Variants in MGAT5 observed in about 807,000 individuals in gnomAD.
MGAT5 encodes the protein alpha-1,6-mannosylglycoprotein 6-beta-N-acetylglucosaminyltransferase A.
MGAT5 carries 30 observed loss-of-function variants against 94.3 expected under a neutral mutation model. The observed-to-expected ratio is 0.32, with a 90% CI of 0.24 to 0.43. The LOEUF is 0.43. Among genes scored for constraint, MGAT5 ranks in the 20% least tolerant of loss-of-function variants. The probability of loss-of-function intolerance (pLI) is 1.00; values close to 1 mark genes in which losing one functional copy is unlikely to be tolerated. For synonymous variants in MGAT5, 310 were observed against 322.9 expected (o/e 0.96, Z 0.43); for missense variants, 691 against 905.5 (o/e 0.76, Z 3.04).
intron 1 of MGAT5, among the ~76,000 whole-genome samples, chr2:134,161,658 G>C (rs915338250): frequency 1.2e-4 from 19 of 152,166 alleles, no homozygotes; most frequent in African/African-American, 4.3e-4. Flanking sequence ...TGTGATCTTG[G>C]CTGGGGGCTT....
intron 1 of MGAT5, among the ~76,000 whole-genome samples, chr2:134,124,372 G>A (rs943484627): frequency 1.3e-5 from 2 of 152,320 alleles, no homozygotes; most frequent in Admixed American, 1.3e-4. Flanking sequence ...GCAGGGCTAT[G>A]TGTGTGCATG....
rs192413280 is a variant in MGAT5, at chr2:134,246,312, G to A, written c.-142-7950G>A. ...AGTTGGTGGCATCACAGCTGTCAGG[G>A]ATTCACAGTTGAGCTTTTGGGCACC... On this transcript the variant is annotated intron_variant, in intron 1 of 16. Transcript: ENST00000409645. 1.8e-3 allele frequency among the ~76,000 whole-genome samples: 280 copies of A among 152,282 alleles called. 2 individuals are homozygous for A. Among genetic ancestry groups the A allele is most frequent in the Middle Eastern group, 6.8e-3 (2 of 294 alleles).
rs562710806 is a variant in MGAT5, at chr2:134,400,049, T to A, written c.1381-2939T>A. 2.6e-5 allele frequency among the ~76,000 whole-genome samples: 4 copies of A among 152,332 alleles called. No individual in the cohort carries two copies. In the South Asian group the frequency reaches 8.3e-4, roughly 32 times the overall value. ...ATGGCAAGAACTGACCCTTCCATCC[T>A]GGAGAAGAGGAGACCAATTTGATAT... On this transcript the variant is annotated intron_variant, in intron 10 of 15. Coordinates refer to ENST00000281923, the MANE Select transcript of MGAT5 (RefSeq NM_002410.5).
rs149686475 is a variant in MGAT5 at position 134,398,668 on chromosome 2, G to A, written c.1381-4320G>A. Among the ~76,000 whole-genome samples the A allele has an allele frequency of 1.8e-3, 281 of 152,242 alleles. 2 individuals are homozygous for A. The highest frequency in any genetic ancestry group is 0.018 in the East Asian group (95 of 5,186). On this transcript the variant is annotated intron_variant, in intron 10 of 15. Coordinates refer to ENST00000281923, the MANE Select transcript of MGAT5 (RefSeq NM_002410.5). ...GCACTATTTACAATAGCCAAGATACGGAATTAGCTTGAGTGTCCATCAGCG... is the reference window on the plus strand; with the variant it reads ...GCACTATTTACAATAGCCAAGATACAGAATTAGCTTGAGTGTCCATCAGCG...
intron 1 of MGAT5, among the ~76,000 whole-genome samples, chr2:134,153,715 T>C (rs985315487): frequency 6.6e-6 from 1 of 152,138 alleles, no homozygotes; most frequent in Non-Finnish European, 1.5e-5. Flanking sequence ...CCCTGCTGGG[T>C]GATTAAGCCA....
At chr2:134,435,900 C>T (rs1341763101) in intron 14 of MGAT5, among the ~76,000 whole-genome samples, 3 of 152,162 alleles carry the variant, frequency 2.0e-5, no homozygotes, top group Non-Finnish European at 4.4e-5. Flanking sequence ...TCTGAGCACC[C>T]AATGGGACTG....
At chr2:134,312,801 G>A (rs544517951) in intron 2 of MGAT5, among the ~76,000 whole-genome samples, 22 of 152,246 alleles carry the variant, frequency 1.4e-4, no homozygotes, top group African/African-American at 5.3e-4. Flanking sequence ...CAGTGCTGAG[G>A]ATTTTAAAGG....
Position 134,338,255 on chromosome 2 carries a change from C to A in MGAT5, c.646-4C>A. 6.4e-7 allele frequency: 1 copy of A among 1,572,818 alleles called. No homozygotes were observed. The highest frequency in any genetic ancestry group is 1.9e-5 in the Admixed American group (1 of 52,558). The stretch of plus-strand genomic sequence containing the variant: ...TATTCATTTTATTAAATTTCTGTTG[C>A]TAGGCGGAAATTCGTACAGATTTTA... On this transcript the variant is annotated splice_region_variant and splice_polypyrimidine_tract_variant and intron_variant, in intron 5 of 15. Transcript: ENST00000281923.
At chr2:134,131,421 G>GT (rs1686158535) in intron 1 of MGAT5, among the ~76,000 whole-genome samples, 1 of 152,144 alleles carries the variant, frequency 6.6e-6, no homozygotes, top group Non-Finnish European at 1.5e-5. Flanking sequence ...CCCGAAATTA[G>GT]TATTCTTTTC....
At chr2:134,285,229 CCTGTTTTCTAGAGCA>C (rs1316758189) in intron 2 of MGAT5, among the ~76,000 whole-genome samples, 1 of 151,858 alleles carries the variant, frequency 6.6e-6, no homozygotes, top group African/African-American at 2.4e-5. Flanking sequence ...GTCTTGTAAT[CCTGTTTTCTAGAGCA>C]CTGTCAATGA....
At chr2:134,412,736 C>T (rs2106330003) in intron 11 of MGAT5, 133 bp from the exon 12 acceptor site, 1 of 1,126,266 alleles carries the variant, frequency 8.9e-7, no homozygotes, top group Non-Finnish European at 1.3e-6. Context: ...CCCCCAGGGC[C>T]TGGGAGCCTT....
At chr2:134,202,596 C>T (rs1471190755) in intron 1 of MGAT5, among the ~76,000 whole-genome samples, 2 of 152,238 alleles carry the variant, frequency 1.3e-5, no homozygotes, top group African/African-American at 4.8e-5. Context: ...CCCCAGGCAT[C>T]AGCCTCTGGC....
At chr2:134,326,336 T>G (rs1345625733) in intron 4 of MGAT5, among the ~76,000 whole-genome samples, 2 of 152,124 alleles carry the variant, frequency 1.3e-5, no homozygotes, top group Non-Finnish European at 2.9e-5. Context: ...GCAGTTATTT[T>G]CTTACTGATT....
At chr2:134,130,360 G>A (rs1283158615) in intron 1 of MGAT5, among the ~76,000 whole-genome samples, 2 of 152,272 alleles carry the variant, frequency 1.3e-5, no homozygotes, top group East Asian at 1.9e-4. Context: ...CTGCTGCGCC[G>A]GGTCCCATTG....
chr2:134,418,055 T>A (rs1530232), intron 12 of MGAT5, among the ~76,000 whole-genome samples: 11,163 of 152,154 alleles, frequency 0.073, 516 homozygotes, highest in South Asian at 0.15. Flanking sequence ...TCTAAAGGTT[T>A]TAATGACACT....
intron 11 of MGAT5, among the ~76,000 whole-genome samples, chr2:134,406,188 T>C (rs3791298): frequency 0.24 from 37,110 of 152,182 alleles, 5,535 homozygotes; most frequent in Non-Finnish European, 0.33. Flanking sequence ...CCCTCAGTCT[T>C]CCCTGTTTCA....
chr2:134,327,183 C>T (rs1225751569), intron 4 of MGAT5, among the ~76,000 whole-genome samples: 1 of 152,060 alleles, frequency 6.6e-6, no homozygotes, highest in African/African-American at 2.4e-5. Context: ...TCCGCTAAGA[C>T]ATTTGAGTTG....
At chr2:134,266,494 T>A (rs1019318423) in intron 1 of MGAT5, among the ~76,000 whole-genome samples, 3 of 152,244 alleles carry the variant, frequency 2.0e-5, no homozygotes, top group African/African-American at 7.2e-5. Flanking sequence ...GTGCTAGGAT[T>A]ACAGGCGTGA....
chr2:134,369,655 TAGGG>T (rs149361357), intron 10 of MGAT5, among the ~76,000 whole-genome samples: 3 of 151,484 alleles, frequency 2.0e-5, no homozygotes, highest in African/African-American at 7.3e-5. Flanking sequence ...ATTGGTTACT[TAGGG>T]AGGGGAGAGG....
Sources: allele counts gnomAD v4.1 joint callset (sites outside exome capture counted in the v4.1 genomes callset), GRCh38; gene constraint gnomAD v4.1.1; transcripts MANE v1.5; gene names NCBI Gene and HGNC (gene_info 2026-07-23, HGNC 2026-07-21).